AK8: variants seen among roughly 807,000 people sequenced by gnomAD.
AK8 encodes adenylate kinase 8.
AK8 carries 44 observed loss-of-function variants against 54.6 expected under a neutral mutation model. The ratio of observed to expected loss-of-function variants is 0.81; its 90% CI spans 0.63 to 1.04. The LOEUF (loss-of-function observed/expected upper bound fraction) is 1.04, where lower values mean the gene tolerates loss of function less well. Among genes scored for constraint, AK8 ranks in the 50% least tolerant of loss-of-function variants. AK8 has a pLI of 0.00. For synonymous variants in AK8, 239 were observed against 245.6 expected, an observed-to-expected ratio of 0.97 and a Z score of 0.25; for missense variants, 555 against 613.6, an observed-to-expected ratio of 0.90 and a Z score of 1.01.
chr9:132,775,796 G>A (rs1008993401), intron 11 of AK8, among the ~76,000 whole-genome samples: 5 of 152,038 alleles, frequency 3.3e-5, no homozygotes, highest in African/African-American at 7.2e-5. Flanking sequence ...CCCAATCCTC[G>A]GCTGCCTCTT....
intron 11 of AK8, among the ~76,000 whole-genome samples, chr9:132,775,057 G>A (rs1226927151): frequency 6.6e-6 from 1 of 152,164 alleles, no homozygotes; most frequent in Non-Finnish European, 1.5e-5. Context: ...GCAGGAAATG[G>A]AGAACAGTCA....
intron 11 of AK8, among the ~76,000 whole-genome samples, chr9:132,775,286 CTGTT>C (rs542448673): frequency 8.4e-4 from 128 of 152,142 alleles, no homozygotes; most frequent in African/African-American, 3.1e-3. Flanking sequence ...CTGTTTGTGT[CTGTT>C]TATTTTATTT....
intron 11 of AK8, among the ~76,000 whole-genome samples, chr9:132,728,176 T>C (rs1836662884): frequency 6.6e-6 from 1 of 152,226 alleles, no homozygotes; most frequent in Non-Finnish European, 1.5e-5. Flanking sequence ...GTGGAGCCAC[T>C]GGAGCCACTG....
In AK8 at chr9:132,850,288, C is replaced by T. The variant is rs1028895100; in HGVS notation, c.402+4569G>A. On this transcript the variant is annotated intron_variant, in intron 5 of 12. Transcript: ENST00000298545. ...AGGCTGGAGTGCAATGGCATGTGTA[C>T]GGCTGCCTTTGTATTACATCAGAGC... is the stretch of plus-strand genomic sequence containing the variant. Among the ~76,000 whole-genome samples, 4 of 142,372 alleles carry T rather than the reference C, an allele frequency of 2.8e-5. No individual in the cohort carries two copies. The East Asian group carries it at 6.4e-4, about 23-fold the overall frequency. 93.4% of individuals were successfully genotyped at this position (142,372 alleles called of 152,430 possible).
At chr9:132,772,380 T>C (rs1839022348) in intron 11 of AK8, among the ~76,000 whole-genome samples, 1 of 152,074 alleles carries the variant, frequency 6.6e-6, no homozygotes, top group Admixed American at 6.5e-5. Context: ...AAAGAGGTGG[T>C]TAAGTTAAAA....
At chr9:132,820,033 T>C (rs1841510861) in intron 9 of AK8, among the ~76,000 whole-genome samples, 1 of 151,118 alleles carries the variant, frequency 6.6e-6, no homozygotes, top group Non-Finnish European at 1.5e-5. Context: ...CATACACCTG[T>C]AGTCCCAGCT....
At chr9:132,756,555 G>A (rs950663898) in intron 11 of AK8, among the ~76,000 whole-genome samples, 21 of 152,316 alleles carry the variant, frequency 1.4e-4, no homozygotes, top group African/African-American at 4.8e-4. Flanking sequence ...CCAAGGTGAG[G>A]GGAGAGGCGA....
chr9:132,794,141 G>A (rs1458977258), intron 10 of AK8, among the ~76,000 whole-genome samples: 1 of 152,164 alleles, frequency 6.6e-6, no homozygotes, highest in African/African-American at 2.4e-5. Flanking sequence ...TCTCTCTCAT[G>A]CCCTTCAGCC....
At chr9:132,812,260 G>T (rs2131246757) in intron 10 of AK8, among the ~76,000 whole-genome samples, 1 of 126,560 alleles carries the variant, frequency 7.9e-6, no homozygotes, top group Non-Finnish European at 1.6e-5. Flanking sequence ...TTGAGACTGA[G>T]TCTCACTCTG....
rs112932230 is a variant in AK8, at chr9:132,748,101, GAAAT to G, written c.1122-20571_1122-20568del. ...GCAACAAGAGTGAAACTCTGTCTCA[GAAAT>G]AAATAAATAAATAAATAAACAAAAT... On this transcript the variant is annotated intron_variant, in intron 11 of 12. Transcript: ENST00000298545. 3.3e-5 allele frequency among the ~76,000 whole-genome samples: 5 copies of G among 151,512 alleles called. No homozygotes were observed. The South Asian group carries it at 6.2e-4, about 19-fold the overall frequency.
Position 132,827,020 on chromosome 9 carries a change from T to C in AK8, c.591A>G (p.Glu197=). 4 of 1,614,224 alleles carry C rather than the reference T, an allele frequency of 2.5e-6. No individual in the cohort carries two copies. The East Asian group carries it at 6.7e-5, about 27-fold the overall frequency. ...CCATGAGACGGTTCTGGATTTCAGA[T>C]TCGGGTGGCCAGTCAAAGGTGGTGT... ...IYHTTFDWPP[E]SEIQNRLMVP... is the part of the protein sequence containing the mutation. Residue 197 remains glutamate (E), a synonymous_variant, in exon 8 of 13, where the codon GAA becomes GAG. Coordinates refer to ENST00000298545, the MANE Select transcript of AK8 (RefSeq NM_152572.3).
intron 11 of AK8, among the ~76,000 whole-genome samples, chr9:132,753,125 G>A (rs1838025798): frequency 6.6e-6 from 1 of 152,202 alleles, no homozygotes; most frequent in Admixed American, 6.5e-5. Context: ...TCTACACTGG[G>A]GAATCACGCC....
intron 3 of AK8, among the ~76,000 whole-genome samples, chr9:132,866,406 A>G (rs1398634650): frequency 6.6e-6 from 1 of 152,238 alleles, no homozygotes; most frequent in African/African-American, 2.4e-5. Flanking sequence ...CAAAGCAAAT[A>G]TGGCAAGATG....
intron 11 of AK8, among the ~76,000 whole-genome samples, chr9:132,743,021 A>AG (rs201444869): frequency 0.011 from 1,623 of 152,228 alleles, 23 homozygotes; most frequent in African/African-American, 0.036. Context: ...CAAGGGGAGG[A>AG]GGGGGGCCTG....
chr9:132,850,054 ATT>A (rs779350912), intron 5 of AK8, among the ~76,000 whole-genome samples: 45 of 101,294 alleles, frequency 4.4e-4, no homozygotes, highest in Non-Finnish European at 4.1e-4. Context: ...ACCCTAGTAC[ATT>A]TTTTTTTTTT....
intron 9 of AK8, among the ~76,000 whole-genome samples, chr9:132,818,439 TAAA>T (rs1480544730): frequency 6.6e-6 from 1 of 152,054 alleles, no homozygotes; most frequent in Non-Finnish European, 1.5e-5. Context: ...AGAAGTAAGG[TAAA>T]TGGAAAAATC....
At chr9:132,773,477 T>C (rs1007128686) in intron 11 of AK8, among the ~76,000 whole-genome samples, 3 of 152,228 alleles carry the variant, frequency 2.0e-5, no homozygotes, top group African/African-American at 7.2e-5. Flanking sequence ...CTGGTGTTTA[T>C]AGACTTTCTC....
chr9:132,740,775 C>T (rs1837342446), intron 11 of AK8, among the ~76,000 whole-genome samples: 1 of 152,190 alleles, frequency 6.6e-6, no homozygotes, highest in Non-Finnish European at 1.5e-5. Flanking sequence ...GAGGAACCCA[C>T]CCAGGCCTTG....
At chr9:132,805,136 C>T (rs1226206066) in intron 10 of AK8, among the ~76,000 whole-genome samples, 1 of 152,218 alleles carries the variant, frequency 6.6e-6, no homozygotes, top group Non-Finnish European at 1.5e-5. Flanking sequence ...GACAATTTCA[C>T]AGCTGAGCGC....
Sources: allele counts gnomAD v4.1 joint callset (sites outside exome capture counted in the v4.1 genomes callset), GRCh38; gene constraint gnomAD v4.1.1; transcripts MANE v1.5; gene names NCBI Gene and HGNC (gene_info 2026-07-23, HGNC 2026-07-21).